The following CNNM2 variants were observed in gnomAD, a reference collection of about 807,000 sequenced individuals.
CNNM2 encodes metal transporter CNNM2.
CNNM2 carries 12 observed loss-of-function variants against 66.9 expected under a neutral mutation model. The ratio of observed to expected loss-of-function variants is 0.18; its 90% CI spans 0.11 to 0.29. The LOEUF is 0.29. Among genes scored for constraint, CNNM2 ranks in the 10% least tolerant of loss-of-function variants. The probability of loss-of-function intolerance (pLI) is 1.00; values close to 1 mark genes in which losing one functional copy is unlikely to be tolerated. For missense variants in CNNM2, 705 were observed against 1,167.7 expected (o/e 0.60, Z 5.77); for synonymous variants, 557 against 501.8 (o/e 1.11, Z -1.47).
intron 1 of CNNM2, among the ~76,000 whole-genome samples, chr10:102,997,015 AGATTATTTCCTG>A (rs1377145733): frequency 6.6e-6 from 1 of 152,128 alleles, no homozygotes; most frequent in East Asian, 1.9e-4. Flanking sequence ...CTGCTTTCCT[AGATTATTTCCTG>A]GATCCCATAT....
intron 1 of CNNM2, among the ~76,000 whole-genome samples, chr10:102,959,635 G>C (rs142278421): frequency 1.3e-5 from 2 of 152,314 alleles, no homozygotes; most frequent in Non-Finnish European, 2.9e-5. Flanking sequence ...GGGGTGCAGT[G>C]ATGTGAACAT....
chr10:103,037,355 A>G (rs947622421), intron 1 of CNNM2, among the ~76,000 whole-genome samples: 3 of 151,706 alleles, frequency 2.0e-5, no homozygotes, highest in Non-Finnish European at 4.4e-5. Flanking sequence ...TTTGGGCTCA[A>G]TCATCTTCCA....
rs34290283 is a variant in CNNM2 at position 102,922,328 on chromosome 10, A to AT, written c.1621+2237dup. On this transcript the variant is annotated intron_variant, in intron 1 of 7. Transcript: ENST00000369878. Reference sequence around the variant, plus strand: ...GATTTTTTCACCTTCCCTTTCTTGGATTTTTTTTTTATTATCAGTTTGGTT... The same window carrying AT: ...GATTTTTTCACCTTCCCTTTCTTGGATTTTTTTTTTTATTATCAGTTTGGTT... Among the ~76,000 whole-genome samples the AT allele has an allele frequency of 0.21, 30,865 of 150,362 alleles. 3,251 individuals carry two copies. Among genetic ancestry groups the AT allele is most frequent in the Non-Finnish European group, 0.22 (15,007 of 67,474 alleles).
chr10:102,920,001 C>G lies in CNNM2; in HGVS notation c.1521C>G (p.Asp507Glu). 1 of 1,614,262 alleles carries G rather than the reference C, an allele frequency of 6.2e-7. No homozygotes were observed. The highest frequency in any genetic ancestry group is 8.5e-7 in the Non-Finnish European group (1 of 1,180,052). Residue 507 changes from aspartate to glutamate, a missense_variant, in exon 1 of 8, where the codon GAC (aspartate) becomes GAG (glutamate). By Grantham distance (45) the Asp-to-Glu change is conservative. This residue lies in a region of CNNM2 where 171 missense variants were observed against 304.8 expected (regional missense o/e 0.56). Transcript: ENST00000369878. ...ACTTGGCCTTCGTGGATCCCGATGA[C>G]TGTACCCCCCTGAAAACCATCACCA... is the stretch of plus-strand genomic sequence containing the variant. Reference protein sequence around the residue: ...VKDLAFVDPDDCTPLKTITKF... With the variant: ...VKDLAFVDPDECTPLKTITKF...
intron 1 of CNNM2, among the ~76,000 whole-genome samples, chr10:102,967,998 ACT>A (rs1379356017): frequency 1.1e-4 from 17 of 152,112 alleles, no homozygotes; most frequent in African/African-American, 3.1e-4. Flanking sequence ...ACACAGTGAG[ACT>A]CTGTCTCAAA....
intron 1 of CNNM2, among the ~76,000 whole-genome samples, chr10:103,010,862 C>G (rs904969623): frequency 6.6e-6 from 1 of 152,136 alleles, no homozygotes; most frequent in East Asian, 1.9e-4. Flanking sequence ...ATCCACTCCC[C>G]CCAGCCTCCC....
At chr10:103,016,028 C>G (rs1238065167) in intron 1 of CNNM2, among the ~76,000 whole-genome samples, 1 of 152,066 alleles carries the variant, frequency 6.6e-6, no homozygotes, top group Non-Finnish European at 1.5e-5. Context: ...ACTGATGAAT[C>G]TTAACTGAAT....
At chr10:102,954,686 C>T (rs968466182) in intron 1 of CNNM2, among the ~76,000 whole-genome samples, 10 of 152,038 alleles carry the variant, frequency 6.6e-5, no homozygotes, top group Admixed American at 1.3e-4. Context: ...CAGGAATTTT[C>T]GGGGAGAAAG....
intron 1 of CNNM2, among the ~76,000 whole-genome samples, chr10:103,038,538 A>G (rs542292445): frequency 1.3e-5 from 2 of 152,322 alleles, no homozygotes; most frequent in African/African-American, 4.8e-5. Context: ...ACGCTAATAG[A>G]TAAATTCAGG....
intron 1 of CNNM2, among the ~76,000 whole-genome samples, chr10:103,025,988 T>G (rs2064694684): frequency 6.6e-6 from 1 of 152,182 alleles, no homozygotes; most frequent in Non-Finnish European, 1.5e-5. Context: ...AATGGATTGG[T>G]GTCATTATGT....
intron 1 of CNNM2, among the ~76,000 whole-genome samples, chr10:103,031,325 T>C (rs1178864762): frequency 6.6e-6 from 1 of 152,180 alleles, no homozygotes; most frequent in African/African-American, 2.4e-5. Context: ...CCAAGCATTT[T>C]TGGGATTCAG....
At chr10:102,997,911 A>T (rs1031849764) in intron 1 of CNNM2, among the ~76,000 whole-genome samples, 11 of 152,196 alleles carry the variant, frequency 7.2e-5, no homozygotes, top group African/African-American at 2.4e-4. Flanking sequence ...GAATATACTG[A>T]CATTACTTCA....
intron 1 of CNNM2, among the ~76,000 whole-genome samples, chr10:102,970,733 C>T (rs1422412630): frequency 6.6e-6 from 1 of 152,160 alleles, no homozygotes; most frequent in African/African-American, 2.4e-5. Flanking sequence ...GCCAGTTCAC[C>T]CCCCTTCTTC....
intron 2 of CNNM2, among the ~76,000 whole-genome samples, chr10:103,051,093 T>C (rs968825458): frequency 2.0e-5 from 3 of 152,154 alleles, no homozygotes; most frequent in African/African-American, 4.8e-5. Flanking sequence ...CCCAACAAGC[T>C]GGTCATTCAG....
At chr10:103,002,188 AG>A (rs1340399751) in intron 1 of CNNM2, among the ~76,000 whole-genome samples, 1 of 152,194 alleles carries the variant, frequency 6.6e-6, no homozygotes, top group African/African-American at 2.4e-5. Context: ...GGAAGTGAAA[AG>A]AACCCACAGA....
chr10:102,974,534 GAAAA>G (rs1353179648), intron 1 of CNNM2, among the ~76,000 whole-genome samples: 1 of 151,430 alleles, frequency 6.6e-6, no homozygotes, highest in Non-Finnish European at 1.5e-5. Flanking sequence ...ATTATTGAAA[GAAAA>G]AAAGAATATC....
chr10:103,043,251 T>A (rs1011506471), intron 1 of CNNM2, among the ~76,000 whole-genome samples: 1 of 152,208 alleles, frequency 6.6e-6, no homozygotes, highest in African/African-American at 2.4e-5. Context: ...TGTGCTTGCA[T>A]TATTGGGTCT....
At position 103,054,518 on chromosome 10, in the gene CNNM2, T is replaced by G; in HGVS notation, c.1903+52T>G. On this transcript the variant is annotated intron_variant, in intron 3 of 7. Transcript: ENST00000369878. The surrounding 1 kb of genome is among the most constrained non-coding windows in gnomAD (Gnocchi z 5.2). ...ATCTCTACCAACCCTGAAGCGTGTT[T>G]CTCACCCACCACTGACTGGGGTGGG... The G allele has an allele frequency of 6.3e-7, 1 of 1,588,616 alleles. No homozygotes were observed. The highest frequency in any genetic ancestry group is 8.6e-7 in the Non-Finnish European group (1 of 1,163,620).
chr10:103,011,646 C>CTGTGTGTGTG (rs10624803), intron 1 of CNNM2, among the ~76,000 whole-genome samples: 1,874 of 135,972 alleles, frequency 0.014, 17 homozygotes, highest in African/African-American at 0.024. Flanking sequence ...AATACTTGCA[C>CTGTGTGTGTG]TGTGTGTGTG....
Sources: allele counts gnomAD v4.1 joint callset (sites outside exome capture counted in the v4.1 genomes callset), GRCh38; gene constraint gnomAD v4.1.1; regional missense constraint gnomAD v4.1.1; non-coding constraint Gnocchi (gnomAD v3.1); transcripts MANE v1.5; gene names NCBI Gene and HGNC (gene_info 2026-07-23, HGNC 2026-07-21).